Variants in WDR7 observed in about 807,000 individuals in gnomAD.
The protein encoded by WDR7 is WD repeat domain 7.
WDR7 carries 46 observed loss-of-function variants against 169.4 expected under a neutral mutation model. That is an observed-to-expected ratio of 0.27 (90% CI 0.21 to 0.35). The LOEUF (loss-of-function observed/expected upper bound fraction) is 0.35. Ranked by LOEUF, WDR7 falls within the 10% of genes least tolerant of loss-of-function variation. The pLI is 1.00. For missense variants in WDR7, 1,534 were observed against 1,859.3 expected (o/e 0.83, Z 3.22); for synonymous variants, 612 against 666.8 (o/e 0.92, Z 1.27).
chr18:56,908,985 C>T (rs570823414), intron 21 of WDR7, among the ~76,000 whole-genome samples: 113 of 152,106 alleles, frequency 7.4e-4, no homozygotes, highest in African/African-American at 2.7e-3. Flanking sequence ...ACTAAGGAAC[C>T]GTTTATCTGT....
chr18:56,882,107 A>G (rs1057266360), intron 21 of WDR7, among the ~76,000 whole-genome samples: 4 of 151,790 alleles, frequency 2.6e-5, no homozygotes, highest in Non-Finnish European at 4.4e-5. Flanking sequence ...CTACCTCCCC[A>G]CTCGGGCTTA....
chr18:56,706,726 C>T (rs757243305), intron 12 of WDR7, among the ~76,000 whole-genome samples: 2 of 151,618 alleles, frequency 1.3e-5, no homozygotes, highest in African/African-American at 2.4e-5. Context: ...CTCGCTCTGT[C>T]ACCCAGGCTG....
chr18:56,991,374 T>G (rs893071812), intron 26 of WDR7, among the ~76,000 whole-genome samples: 1 of 152,138 alleles, frequency 6.6e-6, no homozygotes, highest in African/African-American at 2.4e-5. Flanking sequence ...CTCGATCTTC[T>G]GACCTCGTGA....
intron 26 of WDR7, among the ~76,000 whole-genome samples, chr18:56,990,971 A>G (rs150582896): frequency 5.3e-5 from 8 of 152,130 alleles, no homozygotes; most frequent in African/African-American, 1.9e-4. Context: ...AGTACACCAA[A>G]TTGTATTGTT....
At chr18:56,947,506 G>A (rs1442749720) in intron 25 of WDR7, among the ~76,000 whole-genome samples, 1 of 152,172 alleles carries the variant, frequency 6.6e-6, no homozygotes, top group Non-Finnish European at 1.5e-5. Context: ...TCAAGGCTTG[G>A]GAGGATAAAC....
chr18:57,019,708 C>A (rs960305922), intron 26 of WDR7, among the ~76,000 whole-genome samples: 6 of 152,136 alleles, frequency 3.9e-5, no homozygotes, highest in Non-Finnish European at 7.4e-5. Context: ...GAAATGTACA[C>A]TACCTGTGGG....
At chr18:56,919,884 T>A (rs1331169457) in intron 21 of WDR7, among the ~76,000 whole-genome samples, 2 of 152,208 alleles carry the variant, frequency 1.3e-5, no homozygotes, top group African/African-American at 2.4e-5. Flanking sequence ...ACTGATTTTT[T>A]AAAAATGAAA....
intron 20 of WDR7, among the ~76,000 whole-genome samples, chr18:56,846,757 C>G (rs998082263): frequency 6.6e-6 from 1 of 152,160 alleles, no homozygotes; most frequent in Non-Finnish European, 1.5e-5. Flanking sequence ...GCACCTGCTC[C>G]TCCTTCACCT....
intron 12 of WDR7, among the ~76,000 whole-genome samples, chr18:56,700,597 T>G (rs1598972216): frequency 8.5e-6 from 1 of 117,398 alleles, no homozygotes; most frequent in Non-Finnish European, 1.7e-5. Flanking sequence ...TGAGACGGAG[T>G]CTCGCTCTGT....
intron 22 of WDR7, among the ~76,000 whole-genome samples, chr18:56,925,678 G>C (rs2046796705): frequency 1.3e-5 from 2 of 152,168 alleles, no homozygotes; most frequent in Non-Finnish European, 2.9e-5. Flanking sequence ...AGGAAGTAGA[G>C]ACCAGAGAAG....
intron 20 of WDR7, among the ~76,000 whole-genome samples, chr18:56,869,820 TTATTTGACA>T (rs1207712382): frequency 6.6e-6 from 1 of 152,184 alleles, no homozygotes; most frequent in Non-Finnish European, 1.5e-5. Context: ...TCACTAAAAT[TTATTTGACA>T]TATTTTGTAG....
intron 21 of WDR7, among the ~76,000 whole-genome samples, chr18:56,904,293 C>T (rs1475710906): frequency 6.6e-6 from 1 of 152,148 alleles, no homozygotes; most frequent in Non-Finnish European, 1.5e-5. Context: ...TGGTCTCTAA[C>T]TCCTGACCTC....
intron 20 of WDR7, among the ~76,000 whole-genome samples, chr18:56,860,883 T>A (rs1568235374): frequency 1.3e-5 from 2 of 151,998 alleles, no homozygotes; most frequent in Non-Finnish European, 2.9e-5. Context: ...TATGAAGGAG[T>A]ACATGTGTTC....
intron 2 of WDR7, among the ~76,000 whole-genome samples, chr18:56,674,318 C>A (rs1283820403): frequency 6.6e-6 from 1 of 152,086 alleles, no homozygotes; most frequent in Non-Finnish European, 1.5e-5. Context: ...CTTTTTGATT[C>A]TAGCCCGAAT....
intron 26 of WDR7, among the ~76,000 whole-genome samples, chr18:56,971,079 C>A (rs2047477598): frequency 6.6e-6 from 1 of 152,104 alleles, no homozygotes; most frequent in South Asian, 2.1e-4. Flanking sequence ...CGAGACCAGC[C>A]TGGCCAATGT....
intron 19 of WDR7, among the ~76,000 whole-genome samples, chr18:56,797,732 G>A (rs1429709114): frequency 6.6e-6 from 1 of 151,600 alleles, no homozygotes. Context: ...GGATTTATCA[G>A]AATACACTTT....
intron 14 of WDR7, among the ~76,000 whole-genome samples, chr18:56,737,274 G>C (rs905985428): frequency 2.0e-5 from 3 of 152,174 alleles, no homozygotes; most frequent in African/African-American, 7.2e-5. Flanking sequence ...CATATCCGGT[G>C]ATGTTTCTGA....
In WDR7 at chr18:56,792,806, A is replaced by G. The variant is rs577155546; in HGVS notation, c.3190+11150A>G. The stretch of plus-strand genomic sequence containing the variant: ...CACACACACACAGACACACATGCAC[A>G]CATACCTACACTATGACACAGGGCA... On this transcript the variant is annotated intron_variant, in intron 19 of 27. Transcript: ENST00000254442. 1.2e-4 allele frequency among the ~76,000 whole-genome samples: 19 copies of G among 152,068 alleles called. No individual in the cohort carries two copies. In the East Asian group the frequency reaches 3.7e-3, roughly 29 times the overall value.
chr18:56,991,123 C>T (rs1164782223), intron 26 of WDR7, among the ~76,000 whole-genome samples: 1 of 150,280 alleles, frequency 6.7e-6, no homozygotes, highest in Non-Finnish European at 1.5e-5. Context: ...CTCTTACTAG[C>T]TACCGTACAC....
Sources: allele counts gnomAD v4.1 joint callset (sites outside exome capture counted in the v4.1 genomes callset), GRCh38; gene constraint gnomAD v4.1.1; transcripts MANE v1.5; gene names NCBI Gene and HGNC (gene_info 2026-07-23, HGNC 2026-07-21).